The following TLE7 variants were observed in gnomAD, a reference collection of about 807,000 sequenced individuals.
TLE7 encodes TLE family member 7, also known as transducin-like enhancer protein 7.
chr16:71,441,197 ATG>A (rs1040499710), intron 1 of TLE7, among the ~76,000 whole-genome samples: 3 of 152,138 alleles, frequency 2.0e-5, no homozygotes, highest in Admixed American at 2.0e-4. Flanking sequence ...CAACTCTACA[ATG>A]TGGGCCTCGC....
rs1034687326 is a variant in TLE7 at position 71,431,541 on chromosome 16, G to A, written c.873C>T (p.Tyr291=). The part of the protein sequence containing the change: ...ILIRKHEVPV[Y]GSRCVDITGN... ...CGGTGATGTCCACACATCGGGACCC[G>A]TATACAGGAACTTCGTGCTTCCTGG... The change falls in exon 7 of 10, where the codon TAC becomes TAT. Residue 291 remains tyrosine (Y), a synonymous_variant. Coordinates refer to ENST00000561754, the MANE Select transcript of TLE7 (RefSeq NM_001367365.2). The surrounding 1 kb of genome is among the most constrained non-coding windows in gnomAD (Gnocchi z 4.5). 12 of 400,656 alleles carry A rather than the reference G, an allele frequency of 3.0e-5. No individual in the cohort carries two copies. Among genetic ancestry groups the A allele is most frequent in the Non-Finnish European group, 4.4e-5 (10 of 226,266 alleles). 24.8% of individuals were successfully genotyped at this position (400,656 alleles called of 1,614,324 possible). A position where few individuals can be genotyped will look rare whatever the true frequency, so the allele number is the denominator to read the frequency against.
chr16:71,438,651 C>T (rs2145046993), intron 1 of TLE7, among the ~76,000 whole-genome samples: 1 of 129,844 alleles, frequency 7.7e-6, no homozygotes, highest in Non-Finnish European at 1.5e-5. Context: ...CACTGCACTC[C>T]AGCCTGGGTA....
At chr16:71,437,614 C>T (rs1362089011) in intron 1 of TLE7, among the ~76,000 whole-genome samples, 2 of 151,650 alleles carry the variant, frequency 1.3e-5, no homozygotes, top group Non-Finnish European at 2.9e-5. Context: ...ACTGGGGGAA[C>T]CCTTCGGTCT....
At chr16:71,435,078 G>C (rs1255011771) in intron 1 of TLE7, among the ~76,000 whole-genome samples, 1 of 152,192 alleles carries the variant, frequency 6.6e-6, no homozygotes, top group Non-Finnish European at 1.5e-5. Context: ...CAATAAGTTA[G>C]AGTATAGCCA....
At chr16:71,436,384 T>C (rs551760346) in intron 1 of TLE7, among the ~76,000 whole-genome samples, 1 of 152,216 alleles carries the variant, frequency 6.6e-6, no homozygotes, top group Admixed American at 6.5e-5. Context: ...TGGCTGTCAA[T>C]CAATCACCAG....
intron 9 of TLE7, 129 bp downstream of exon 9, chr16:71,430,539 C>T (rs2042797586): frequency 5.0e-6 from 2 of 397,630 alleles, no homozygotes; most frequent in South Asian, 2.8e-4. Flanking sequence ...TTCATTTCCC[C>T]TACTCTGTAA....
chr16:71,434,246 C>T (rs1216225609), intron 1 of TLE7, among the ~76,000 whole-genome samples: 1 of 152,062 alleles, frequency 6.6e-6, no homozygotes, highest in Non-Finnish European at 1.5e-5. Context: ...CGGCATTGTA[C>T]AAGGCTAGTG....
intron 1 of TLE7, among the ~76,000 whole-genome samples, chr16:71,436,077 C>T (rs148796064): frequency 0.024 from 3,729 of 152,230 alleles, 69 homozygotes; most frequent in Non-Finnish European, 0.037. Context: ...AGCTCCCCAC[C>T]CTCTTACCAG....
rs1472936539 is a variant in TLE7, at chr16:71,441,971, T to C, written c.-99A>G. On this transcript the variant is annotated splice_region_variant and 5_prime_UTR_variant, in exon 1 of 10. Transcript: ENST00000561754. Reference sequence around the variant, plus strand: ...TCCACGGCAGAACAGCCCCTTACCGTGGCGGGGGCGCTGAGGTCCCTCGGG... The same window carrying C: ...TCCACGGCAGAACAGCCCCTTACCGCGGCGGGGGCGCTGAGGTCCCTCGGG... 1 of 152,084 alleles carries C rather than the reference T, an allele frequency of 6.6e-6. No individual in the cohort carries two copies. Among genetic ancestry groups the C allele is most frequent in the African/African-American group, 2.4e-5 (1 of 41,380 alleles). The allele number at this position is 152,084 out of a possible 1,614,324, so 9.4% of individuals were successfully genotyped here. A position where few individuals can be genotyped will look rare whatever the true frequency, so the allele number is the denominator to read the frequency against.
At chr16:71,432,027 G>T in intron 5 of TLE7, 25 bp from the exon 6 acceptor site, 2 of 400,850 alleles carry the variant, frequency 5.0e-6, no homozygotes, top group Non-Finnish European at 8.8e-6. Context: ...TCACACACTG[G>T]TATCCCCTTG....
At chr16:71,430,801 C>A in intron 8 of TLE7, 60 bp from the exon 9 acceptor site, 1 of 398,138 alleles carries the variant, frequency 2.5e-6, no homozygotes, top group Non-Finnish European at 4.4e-6. Context: ...AGTTCCAGCA[C>A]TGTCCCCAAC....
intron 1 of TLE7, among the ~76,000 whole-genome samples, chr16:71,438,173 C>A (rs887023083): frequency 6.6e-6 from 1 of 152,140 alleles, no homozygotes; most frequent in Non-Finnish European, 1.5e-5. Flanking sequence ...TGGTTCACAG[C>A]CGTAATCCCA....
intron 1 of TLE7, among the ~76,000 whole-genome samples, chr16:71,439,062 G>A (rs562706995): frequency 2.6e-5 from 4 of 152,270 alleles, no homozygotes; most frequent in East Asian, 1.9e-4. Context: ...ACTGACCCCC[G>A]CTGTGCTGGG....
At chr16:71,436,294 G>A (rs984269594) in intron 1 of TLE7, among the ~76,000 whole-genome samples, 1 of 152,238 alleles carries the variant, frequency 6.6e-6, no homozygotes. Flanking sequence ...CCTATCCTGC[G>A]GTGCTGCTGC....
chr16:71,436,805 T>A (rs1299656048), intron 1 of TLE7, among the ~76,000 whole-genome samples: 1 of 152,226 alleles, frequency 6.6e-6, no homozygotes, highest in Non-Finnish European at 1.5e-5. Flanking sequence ...CCAGTGTCCC[T>A]GAAAGCAAAG....
chr16:71,435,820 C>G (rs1024609295), intron 1 of TLE7, among the ~76,000 whole-genome samples: 1 of 152,216 alleles, frequency 6.6e-6, no homozygotes, highest in Non-Finnish European at 1.5e-5. Flanking sequence ...CGTCAGGCTC[C>G]TCTAATTGGA....
At chr16:71,432,567 C>T in intron 4 of TLE7, 98 bp downstream of exon 4, 1 of 398,420 alleles carries the variant, frequency 2.5e-6, no homozygotes, top group Non-Finnish European at 4.4e-6. Flanking sequence ...AGGACACCCC[C>T]CTACCTATGG....
intron 1 of TLE7, among the ~76,000 whole-genome samples, chr16:71,438,747 G>C (rs574802693): frequency 6.6e-6 from 1 of 151,462 alleles, no homozygotes; most frequent in Non-Finnish European, 1.5e-5. Context: ...AAAGAGAGCC[G>C]TGGTTCTTAT....
chr16:71,438,404 G>C (rs1354878815), intron 1 of TLE7, among the ~76,000 whole-genome samples: 1 of 113,832 alleles, frequency 8.8e-6, no homozygotes, highest in Admixed American at 1.1e-4. Context: ...CAGCCTGGGT[G>C]ACAGAACGAG....
Sources: gnomAD v4.1 joint callset for allele counts (sites outside exome capture counted in the v4.1 genomes callset) on GRCh38, gnomAD v4.1.1 for gene constraint, Gnocchi (gnomAD v3.1) non-coding constraint, MANE v1.5 for transcripts, NCBI Gene and HGNC (gene_info 2026-07-23, HGNC 2026-07-21) for gene names.